Variants in PKD1 observed in about 807,000 individuals in gnomAD.
PKD1 encodes polycystin-1.
PKD1 carries 81 observed loss-of-function variants against 361.7 expected under a neutral mutation model. The observed-to-expected ratio is 0.22, with a 90% CI of 0.19 to 0.27. The LOEUF (loss-of-function observed/expected upper bound fraction) is 0.27, where lower values mean the gene tolerates loss of function less well. Ranked by LOEUF, PKD1 falls within the 10% of genes least tolerant of loss-of-function variation. The pLI, the probability that PKD1 is intolerant of heterozygous loss-of-function variation, is 1.00. For synonymous variants in PKD1, 3,615 were observed against 2,818.3 expected, an observed-to-expected ratio of 1.28 and a Z score of -8.95; for missense variants, 6,399 against 6,118.3, an observed-to-expected ratio of 1.05 and a Z score of -1.53.
At chr16:2,132,791 A>ATGGGTCAGGGCTGGGCGTGG (rs2092902635) in intron 1 of PKD1, among the ~76,000 whole-genome samples, 2 of 150,654 alleles carry the variant, frequency 1.3e-5, no homozygotes, top group Admixed American at 1.3e-4. Context: ...GGTTCAAAAC[A>ATGGGTCAGGGCTGGGCGTGG]TGGGTCAGGG....
intron 21 of PKD1, 125 bp from the exon 22 acceptor site, chr16:2,104,767 G>C: frequency 1.3e-6 from 1 of 781,492 alleles, no homozygotes; most frequent in Non-Finnish European, 2.1e-6. Context: ...CACTTGACTG[G>C]ACCCCCACAG....
At chr16:2,101,128 G>A (rs1457162970) in intron 26 of PKD1, among the ~76,000 whole-genome samples, 1 of 152,066 alleles carries the variant, frequency 6.6e-6, no homozygotes. Flanking sequence ...TGGGACTACA[G>A]GCGCCTGCCA....
At position 2,088,712 on chromosome 16, in the gene PKD1, A is replaced by G. The variant is rs1051844894; in HGVS notation, c.*1015T>C. The G allele has an allele frequency of 2.5e-5, 36 of 1,439,742 alleles. No individual in the cohort carries two copies. In the African/African-American group the frequency reaches 5.0e-4, roughly 20 times the overall value. 89.2% of individuals were successfully genotyped at this position (1,439,742 alleles called of 1,614,324 possible). A position where few individuals can be genotyped will look rare whatever the true frequency, so the allele number is the denominator to read the frequency against. On this transcript the variant is annotated 3_prime_UTR_variant, in exon 46 of 46. Transcript: ENST00000262304. ...GCACAGACATAGAGGCACAGATTGC[A>G]GTCAGACAGCTCTTTTATTGACTTT...
At position 2,089,652 on chromosome 16, in the gene PKD1, C is replaced by A. The variant is rs1341634726; in HGVS notation, c.*75G>T. On this transcript the variant is annotated 3_prime_UTR_variant, in exon 46 of 46. Coordinates refer to ENST00000262304, the MANE Select transcript of PKD1 (RefSeq NM_001009944.3). ...TGCAGCCATTCTGCCTGGCCCTCGG[C>A]CTTGACAGCGGCAGAAAGTAATACT... 4.6e-6 allele frequency: 7 copies of A among 1,523,776 alleles called. No homozygotes were observed. Among genetic ancestry groups the A allele is most frequent in the Non-Finnish European group, 6.2e-6 (7 of 1,127,214 alleles). The allele number at this position is 1,523,776 out of a possible 1,614,324, so 94.4% of individuals were successfully genotyped here. A position where few individuals can be genotyped will look rare whatever the true frequency, so the allele number is the denominator to read the frequency against.
chr16:2,125,254 C>T (rs1318282180), intron 1 of PKD1, among the ~76,000 whole-genome samples: 1 of 152,186 alleles, frequency 6.6e-6, no homozygotes, highest in East Asian at 1.9e-4. Flanking sequence ...CTGCTGGCTC[C>T]GCCTACCACT....
At position 2,118,278 on chromosome 16, in the gene PKD1, G is replaced by A. The variant is rs1409850497; in HGVS notation, c.714C>T (p.Ser238=). The change falls in exon 5 of 46, where the codon TCC becomes TCT. Residue 238 remains serine, a synonymous_variant. Coordinates refer to ENST00000262304, the MANE Select transcript of PKD1 (RefSeq NM_001009944.3). The surrounding 1 kb of genome is among the most constrained non-coding windows in gnomAD (Gnocchi z 6.0). ...GWCLCGAAQP[S]SASFACLSLC... ...GGGACAGGCAGGCAAAGGAGGCACT[G>A]GAGGGCTGGGCCGCCCCACACAGGC... The A allele has an allele frequency of 3.3e-6, 5 of 1,531,738 alleles. No homozygotes were observed. The highest frequency in any genetic ancestry group is 3.9e-5 in the Admixed American group (2 of 51,066). 94.9% of individuals were successfully genotyped at this position (1,531,738 alleles called of 1,614,324 possible).
intron 37 of PKD1, 125 bp from the exon 38 acceptor site, chr16:2,093,218 C>A: frequency 8.7e-7 from 1 of 1,149,858 alleles, no homozygotes; most frequent in Non-Finnish European, 1.3e-6. Flanking sequence ...GCAGGGGGCG[C>A]CCCAAGACTC....
intron 1 of PKD1, among the ~76,000 whole-genome samples, chr16:2,128,743 C>A (rs1326413378): frequency 6.6e-6 from 1 of 152,178 alleles, no homozygotes; most frequent in African/African-American, 2.4e-5. Flanking sequence ...TTCACTCTGT[C>A]TCCCAGGCTG....
intron 1 of PKD1, among the ~76,000 whole-genome samples, chr16:2,133,508 C>G (rs1014365330): frequency 9.4e-5 from 14 of 148,932 alleles, no homozygotes; most frequent in Middle Eastern, 3.4e-3. Context: ...CCCAGCTTGA[C>G]CCCTCTTCCC....
Position 2,106,749 on chromosome 16 carries a change from G to A in PKD1, c.7209+56C>T, listed in dbSNP as rs550156924. The stretch of plus-strand genomic sequence containing the variant: ...AGCCCCACTTCTGCCTGCAGGCCCC[G>A]TCCCCTCGGCCATGGGACCCATCCC... On this transcript the variant is annotated intron_variant, in intron 17 of 45. Coordinates refer to ENST00000262304, the MANE Select transcript of PKD1 (RefSeq NM_001009944.3). The surrounding 1 kb of genome is among the most constrained non-coding windows in gnomAD (Gnocchi z 6.5). 8.8e-4 allele frequency: 1,329 copies of A among 1,502,740 alleles called. 4 individuals carry two copies. In the African/African-American group the frequency reaches 0.014, roughly 16 times the overall value. The allele number at this position is 1,502,740 out of a possible 1,614,324, so 93.1% of individuals were successfully genotyped here. A position where few individuals can be genotyped will look rare whatever the true frequency, so the allele number is the denominator to read the frequency against.
chr16:2,090,742 G>C lies in PKD1; in HGVS notation c.12070C>G (p.Pro4024Ala), dbSNP rs771494407. Residue 4024 changes from proline (P) to alanine (A), a missense_variant, in exon 44 of 46, where the codon CCA (proline) becomes GCA (alanine). Physicochemically the swap from Pro to Ala is conservative, Grantham distance 27. Coordinates refer to ENST00000262304, the MANE Select transcript of PKD1 (RefSeq NM_001009944.3). ...CCCAAGGTGACCCCCAGGAGCTCTG[G>C]CAGAGCTCGGCATAATGTCTTGCCA... Reference protein sequence around the residue: ...VFGKTLCRALPELLGVTLGLV... With the variant: ...VFGKTLCRALAELLGVTLGLV... 6.8e-6 allele frequency: 11 copies of C among 1,612,580 alleles called. No homozygotes were observed. The highest frequency in any genetic ancestry group is 1.3e-5 in the African/African-American group (1 of 75,040).
At position 2,097,916 on chromosome 16, in the gene PKD1, C is replaced by T. The variant is rs376838860; in HGVS notation, c.10119G>A (p.Ser3373=). Residue 3373 remains serine (S), a synonymous_variant, in exon 31 of 46, where the codon TCG becomes TCA. Transcript: ENST00000262304. ...TGAGGAAGGAGCTGTCCAGCACGGA[C>T]GAGTCCAGGCAGCTGTCGATGTCCA... ...QVLDIDSCLD[S]SVLDSSFLTF... 3.6e-4 allele frequency: 584 copies of T among 1,605,002 alleles called. 10 individuals are homozygous for T. The Middle Eastern group carries it at 6.3e-3, about 17-fold the overall frequency.
chr16:2,090,643 A>T, intron 44 of PKD1, 31 bp downstream of exon 44: 5 of 1,610,378 alleles, frequency 3.1e-6, no homozygotes, highest in Non-Finnish European at 4.2e-6. Context: ...AGCTGAGCTA[A>T]GACGCCCTCC....
intron 30 of PKD1, chr16:2,099,037 G>A (rs999093831): frequency 3.8e-5 from 7 of 185,602 alleles, no homozygotes; most frequent in African/African-American, 9.8e-5. Context: ...TCATTGTGTT[G>A]GCCAGGCTGG....
In PKD1 at chr16:2,089,446, TACCTG is replaced by T; in HGVS notation, c.*276_*280del. ...GGGTGGGGCCGGGCACAGCCCGCTGTACCTGAGGACTCGGGGAAATAAATTAGCAT... is the reference window on the plus strand; with the variant it reads ...GGGTGGGGCCGGGCACAGCCCGCTGTAGGACTCGGGGAAATAAATTAGCAT... On this transcript the variant is annotated 3_prime_UTR_variant, in exon 46 of 46. Transcript: ENST00000262304. The T allele has an allele frequency of 1.9e-6, 1 of 520,498 alleles. No homozygotes were observed. The highest frequency in any genetic ancestry group is 3.3e-5 in the East Asian group (1 of 30,368). 32.2% of individuals were successfully genotyped at this position (520,498 alleles called of 1,614,324 possible).
chr16:2,121,678 G>A (rs1567221735), intron 1 of PKD1, among the ~76,000 whole-genome samples: 2 of 151,978 alleles, frequency 1.3e-5, no homozygotes, highest in East Asian at 1.9e-4. Flanking sequence ...CAAGCACCTC[G>A]GGGGTCACTC....
chr16:2,096,616 A>G (rs2091859361), intron 34 of PKD1, among the ~76,000 whole-genome samples: 1 of 152,044 alleles, frequency 6.6e-6, no homozygotes, highest in Non-Finnish European at 1.5e-5. Flanking sequence ...ACCAGGTTCA[A>G]TCGATTCTCC....
chr16:2,098,413 T>G (rs1366496861), intron 30 of PKD1, among the ~76,000 whole-genome samples: 2 of 150,572 alleles, frequency 1.3e-5, no homozygotes, highest in African/African-American at 4.9e-5. Context: ...TTTCACTGTG[T>G]TGGCCAGGCT....
At position 2,117,662 on chromosome 16, in the gene PKD1, C is replaced by T. The variant is rs578104257; in HGVS notation, c.1212G>A (p.Pro404=). 2.7e-5 allele frequency: 43 copies of T among 1,609,908 alleles called. 1 individual carries two copies. Among genetic ancestry groups the T allele is most frequent in the Admixed American group, 1.2e-4 (7 of 59,994 alleles). ...AGATCTCCGTGTCCGAGGGGCAGAGCGGGTGCACCGCTGGAGACCGGTGGG... is the reference window on the plus strand; with the variant it reads ...AGATCTCCGTGTCCGAGGGGCAGAGTGGGTGCACCGCTGGAGACCGGTGGG... ...LGEEPARAVH[P]LCPSDTEIFP... Residue 404 remains proline, a synonymous_variant, in exon 6 of 46, where the codon CCG becomes CCA. Coordinates refer to ENST00000262304, the MANE Select transcript of PKD1 (RefSeq NM_001009944.3).
Sources: allele counts gnomAD v4.1 joint callset (sites outside exome capture counted in the v4.1 genomes callset), GRCh38; gene constraint gnomAD v4.1.1; non-coding constraint Gnocchi (gnomAD v3.1); transcripts MANE v1.5; gene names NCBI Gene and HGNC (gene_info 2026-07-23, HGNC 2026-07-21).